The following MYH15 variants were observed in gnomAD, a reference collection of about 807,000 sequenced individuals.
MYH15 encodes the protein myosin-15.
MYH15 carries 227 observed loss-of-function variants against 240.5 expected under a neutral mutation model. That is an observed-to-expected ratio of 0.94 (90% CI 0.85 to 1.05). MYH15 has a LOEUF of 1.05. Ranked by LOEUF, MYH15 falls within the 50% of genes least tolerant of loss-of-function variation. The pLI is 0.00. For missense variants in MYH15, 2,217 were observed against 2,247.5 expected (o/e 0.99, Z 0.27); for synonymous variants, 785 against 796.7 (o/e 0.99, Z 0.25).
chr3:108,460,284 C>T lies in MYH15; in HGVS notation c.1932+16G>A, dbSNP rs200907003. On this transcript the variant is annotated intron_variant, in intron 17 of 40. Coordinates refer to ENST00000693548, the MANE Select transcript of MYH15 (RefSeq NM_014981.3). Reference sequence around the variant, plus strand: ...GTGAGGCAATTAATATATGAATAGACGCAATTAAAAATTACTTTATGCAGA... The same window carrying T: ...GTGAGGCAATTAATATATGAATAGATGCAATTAAAAATTACTTTATGCAGA... 50 of 1,559,386 alleles carry T rather than the reference C, an allele frequency of 3.2e-5. No homozygotes were observed. Among genetic ancestry groups the T allele is most frequent in the East Asian group, 1.8e-4 (8 of 44,304 alleles).
At position 108,470,735 on chromosome 3, in the gene MYH15, A is replaced by G. The variant is rs199535299; in HGVS notation, c.1346T>C (p.Ile449Thr). The change falls in exon 13 of 41, where the codon ATT (isoleucine) becomes ACT (threonine). Residue 449 changes from isoleucine (I) to threonine (T), a missense_variant. By Grantham distance (89) the Ile-to-Thr change is moderately conservative (BLOSUM62 -1). Coordinates refer to ENST00000693548, the MANE Select transcript of MYH15 (RefSeq NM_014981.3). ...AAAACCAGTGATGTCAAGAATGCCAATGAAGAACTGCCTTGACAGCTTGGC... is the reference window on the plus strand; with the variant it reads ...AAAACCAGTGATGTCAAGAATGCCAGTGAAGAACTGCCTTGACAGCTTGGC... ...LDAKLSRQFF[I>T]GILDITGFEI... 112 of 1,613,862 alleles carry G rather than the reference A, an allele frequency of 6.9e-5. No homozygotes were observed. In the African/African-American group the frequency reaches 1.3e-3, roughly 18 times the overall value.
chr3:108,542,352 T>C, the MYH15 span, among the ~76,000 whole-genome samples: 1 of 152,202 alleles, frequency 6.6e-6, no homozygotes, highest in East Asian at 1.9e-4. Context: ...ATTATAGTAT[T>C]ATACAGAATA....
chr3:108,512,272 A>G (rs1039326390), upstream of MYH15, among the ~76,000 whole-genome samples: 1 of 152,216 alleles, frequency 6.6e-6, no homozygotes, highest in Non-Finnish European at 1.5e-5. Context: ...CTCTGAAAAT[A>G]AGGCAGAGAA....
Position 108,421,077 on chromosome 3 carries a change from T to A in MYH15, c.3829+11A>T. 6.2e-7 allele frequency: 1 copy of A among 1,613,878 alleles called. No individual in the cohort carries two copies. Among genetic ancestry groups the A allele is most frequent in the Admixed American group, 1.7e-5 (1 of 60,028 alleles). The stretch of plus-strand genomic sequence containing the variant: ...AGAATTGCCTATGAGTCAAGCAGCA[T>A]ACTTACTTACCACTCTCACTCCACA... On this transcript the variant is annotated intron_variant, in intron 28 of 40. Coordinates refer to ENST00000693548, the MANE Select transcript of MYH15 (RefSeq NM_014981.3).
intron 29 of MYH15, 70 bp from the exon 30 acceptor site, chr3:108,414,498 A>G (rs1248523662): frequency 1.0e-5 from 13 of 1,276,554 alleles, no homozygotes; most frequent in Non-Finnish European, 1.2e-5. Flanking sequence ...AAGTAAGCTA[A>G]TTTTTTTTTT....
intron 1 of MYH15, among the ~76,000 whole-genome samples, chr3:108,506,597 T>C (rs2083477807): frequency 6.6e-6 from 1 of 152,124 alleles, no homozygotes; most frequent in South Asian, 2.1e-4. Context: ...AAATATGATT[T>C]TAAGGGCCTG....
intron 33 of MYH15, among the ~76,000 whole-genome samples, chr3:108,401,128 A>C (rs1318822754): frequency 1.3e-5 from 2 of 152,164 alleles, no homozygotes; most frequent in African/African-American, 4.8e-5. Context: ...AGGTAAAGTT[A>C]ATATGGACTT....
At chr3:108,419,666 T>C (rs1025460272) in intron 28 of MYH15, among the ~76,000 whole-genome samples, 2 of 152,202 alleles carry the variant, frequency 1.3e-5, no homozygotes, top group African/African-American at 4.8e-5. Context: ...AAGAGTCCTA[T>C]TCAGAGTCCT....
At chr3:108,471,481 G>A (rs1258293326) in intron 12 of MYH15, among the ~76,000 whole-genome samples, 3 of 152,080 alleles carry the variant, frequency 2.0e-5, no homozygotes, top group Non-Finnish European at 4.4e-5. Context: ...CACCTTACCT[G>A]TCCTGTCTTC....
upstream of MYH15, chr3:108,510,662 C>T: frequency 7.2e-7 from 1 of 1,396,548 alleles, no homozygotes; most frequent in East Asian, 2.3e-5. Context: ...CAACCATTCA[C>T]ATAGATAGAC....
chr3:108,389,316 A>C (rs1187806913), intron 37 of MYH15, among the ~76,000 whole-genome samples: 2 of 152,240 alleles, frequency 1.3e-5, no homozygotes, highest in Non-Finnish European at 2.9e-5. Flanking sequence ...CAGATATGAG[A>C]AGCTTTTTTC....
chr3:108,383,139 T>C (rs1313054690), intron 40 of MYH15, among the ~76,000 whole-genome samples: 1 of 152,244 alleles, frequency 6.6e-6, no homozygotes, highest in Non-Finnish European at 1.5e-5. Context: ...CTCTGGTATT[T>C]GTTTTCCTTC....
intron 25 of MYH15, among the ~76,000 whole-genome samples, chr3:108,435,354 A>G (rs972532232): frequency 6.6e-6 from 1 of 152,178 alleles, no homozygotes; most frequent in Admixed American, 6.5e-5. Flanking sequence ...TAAATTTTTA[A>G]GTACAAAATG....
intron 1 of MYH15, among the ~76,000 whole-genome samples, chr3:108,509,028 C>T (rs2083500848): frequency 6.6e-6 from 1 of 152,164 alleles, no homozygotes; most frequent in South Asian, 2.1e-4. Flanking sequence ...GTGATTTGCT[C>T]TAATTACCCA....
At chr3:108,418,668 G>C (rs1401770453) in intron 28 of MYH15, among the ~76,000 whole-genome samples, 2 of 147,208 alleles carry the variant, frequency 1.4e-5, no homozygotes, top group African/African-American at 5.0e-5. Context: ...TTTTACTCTT[G>C]TTGCCCAGGC....
At chr3:108,437,211 T>C (rs1306349005) in intron 25 of MYH15, among the ~76,000 whole-genome samples, 1 of 151,054 alleles carries the variant, frequency 6.6e-6, no homozygotes, top group Non-Finnish European at 1.5e-5. Context: ...TTACATTTTA[T>C]GCCATTGGTC....
intron 32 of MYH15, among the ~76,000 whole-genome samples, chr3:108,407,156 C>T (rs529337288): frequency 6.6e-6 from 1 of 152,290 alleles, no homozygotes; most frequent in African/African-American, 2.4e-5. Flanking sequence ...TGCTGCCTGA[C>T]AACTCTATAC....
Position 108,396,242 on chromosome 3 carries a change from G to A in MYH15, c.5134-2086C>T, listed in dbSNP as rs534236617. On this transcript the variant is annotated intron_variant, in intron 35 of 40. Transcript: ENST00000693548. ...TGCATTATCATGTATGATATGCATG[G>A]CAAATGATTTGTTACCAACAGCAAT... Among the ~76,000 whole-genome samples, 11 of 152,250 alleles carry A rather than the reference G, an allele frequency of 7.2e-5. No homozygotes were observed. The South Asian group carries it at 1.2e-3, about 17-fold the overall frequency.
intron 31 of MYH15, among the ~76,000 whole-genome samples, chr3:108,408,787 C>T (rs903775000): frequency 6.6e-6 from 1 of 152,152 alleles, no homozygotes; most frequent in Non-Finnish European, 1.5e-5. Context: ...TTAGTGGCTG[C>T]CATTGTTTCA....
Sources: allele counts gnomAD v4.1 joint callset (sites outside exome capture counted in the v4.1 genomes callset), GRCh38; gene constraint gnomAD v4.1.1; transcripts MANE v1.5; gene names NCBI Gene and HGNC (gene_info 2026-07-23, HGNC 2026-07-21).